Variants in GRID2 observed in about 807,000 individuals in gnomAD.
The protein encoded by GRID2 is glutamate receptor ionotropic, delta-2.
A neutral mutation model predicts 114.8 loss-of-function variants in GRID2; 33 were observed. The observed-to-expected ratio is 0.29, with a 90% CI of 0.22 to 0.38. The LOEUF (loss-of-function observed/expected upper bound fraction) is 0.38. Ranked by LOEUF, GRID2 falls within the 10% of genes least tolerant of loss-of-function variation. The pLI is 1.00. For missense variants in GRID2, 1,184 were observed against 1,257.7 expected, an observed-to-expected ratio of 0.94 and a Z score of 0.89; for synonymous variants, 505 against 449.9, an observed-to-expected ratio of 1.12 and a Z score of -1.55.
At chr4:92,905,343 T>TA (rs899962791) in intron 2 of GRID2, among the ~76,000 whole-genome samples, 1 of 152,038 alleles carries the variant, frequency 6.6e-6, no homozygotes, top group African/African-American at 2.4e-5. Flanking sequence ...GCTGTGGCTC[T>TA]AAAAAAATCA....
chr4:93,127,683 A>T (rs1369345968), intron 4 of GRID2, among the ~76,000 whole-genome samples: 1 of 151,960 alleles, frequency 6.6e-6, no homozygotes, highest in Non-Finnish European at 1.5e-5. Flanking sequence ...TAATAGCAAA[A>T]CCAAGTTTAG....
chr4:93,603,391 T>A (rs143794869), intron 13 of GRID2, among the ~76,000 whole-genome samples: 5 of 152,040 alleles, frequency 3.3e-5, no homozygotes, highest in Admixed American at 6.6e-5. Flanking sequence ...ATGAGAAACA[T>A]GAGAAAGCTG....
chr4:93,553,860 T>A (rs1206226804), intron 13 of GRID2, among the ~76,000 whole-genome samples: 2 of 152,194 alleles, frequency 1.3e-5, no homozygotes, highest in Non-Finnish European at 2.9e-5. Context: ...TTCTTAATCA[T>A]GTGTCCTAAT....
intron 1 of GRID2, among the ~76,000 whole-genome samples, chr4:92,459,370 A>G (rs1721369852): frequency 6.6e-6 from 1 of 152,188 alleles, no homozygotes; most frequent in Non-Finnish European, 1.5e-5. Context: ...AGCGTAACAT[A>G]ATTAATATAG....
At chr4:93,034,524 G>C (rs1196115296) in intron 2 of GRID2, among the ~76,000 whole-genome samples, 1 of 151,992 alleles carries the variant, frequency 6.6e-6, no homozygotes, top group Non-Finnish European at 1.5e-5. Flanking sequence ...ACTGCCCATT[G>C]AACACGACTT....
At chr4:93,632,658 C>T (rs2002932) in intron 14 of GRID2, among the ~76,000 whole-genome samples, 41,227 of 151,970 alleles carry the variant, frequency 0.27, 5,998 homozygotes, top group East Asian at 0.59. Flanking sequence ...CGTGATGCCT[C>T]CAGCTTTGTT....
In GRID2 at chr4:93,376,081, A is replaced by C. The variant is rs529021046; in HGVS notation, c.1246-19526A>C. Among the ~76,000 whole-genome samples, 63 of 152,260 alleles carry C rather than the reference A, an allele frequency of 4.1e-4. 1 individual carries two copies. The South Asian group carries it at 5.6e-3, about 14-fold the overall frequency. ...TTCCTGTAACTACAACAGTCTGATT[A>C]GTTTTGGGCCCACCCATATGATCTC... On this transcript the variant is annotated intron_variant, in intron 8 of 15. Transcript: ENST00000282020.
At chr4:92,499,958 A>T (rs1723590051) in intron 1 of GRID2, among the ~76,000 whole-genome samples, 1 of 152,178 alleles carries the variant, frequency 6.6e-6, no homozygotes, top group South Asian at 2.1e-4. Context: ...TATTCCTGAC[A>T]AATAATTGAT....
At chr4:93,312,040 C>G (rs1756075732) in intron 8 of GRID2, among the ~76,000 whole-genome samples, 1 of 152,102 alleles carries the variant, frequency 6.6e-6, no homozygotes, top group Non-Finnish European at 1.5e-5. Context: ...TGTATATTCT[C>G]TGCTTCCATT....
Position 92,590,274 on chromosome 4 carries a change from G to A in GRID2, c.232G>A (p.Ala78Thr), listed in dbSNP as rs2149211070. ...TFVDGNNPFQ[A>T]VQEACELMNQ... ...TGTTGATGGCAACAACCCTTTCCAA[G>A]CAGTTCAAGAAGGTAAGGTCATCAG... The change falls in exon 2 of 16, where the codon GCA becomes ACA. Residue 78 changes from alanine (A) to threonine (T), a missense_variant. This residue lies in a region of GRID2 where 455 missense variants were observed against 429.5 expected (regional missense o/e 1.06). Transcript: ENST00000282020. 6.2e-7 allele frequency: 1 copy of A among 1,612,856 alleles called. No homozygotes were observed. The highest frequency in any genetic ancestry group is 2.2e-5 in the East Asian group (1 of 44,806).
chr4:92,536,097 C>G lies in GRID2; in HGVS notation c.89-54034C>G, dbSNP rs144451261. On this transcript the variant is annotated intron_variant, in intron 1 of 15. Coordinates refer to ENST00000282020, the MANE Select transcript of GRID2 (RefSeq NM_001510.4). ...AAAGCCTCCACAGCAAGGAAAGGAA[C>G]GTGAGCAGGCTGCCACTGCTTGCGC... Among the ~76,000 whole-genome samples the G allele has an allele frequency of 7.8e-4, 119 of 152,348 alleles. 1 individual carries two copies. Among genetic ancestry groups the G allele is most frequent in the African/African-American group, 2.8e-3 (117 of 41,598 alleles).
chr4:93,644,997 A>T (rs1721979572), intron 14 of GRID2, among the ~76,000 whole-genome samples: 1 of 152,208 alleles, frequency 6.6e-6, no homozygotes, highest in Non-Finnish European at 1.5e-5. Flanking sequence ...TTTTATTCAG[A>T]GACGTATTCC....
At chr4:92,819,616 C>A (rs1182215876) in intron 2 of GRID2, among the ~76,000 whole-genome samples, 1 of 151,704 alleles carries the variant, frequency 6.6e-6, no homozygotes, top group Non-Finnish European at 1.5e-5. Context: ...AATGGTCATT[C>A]TTACTATTTA....
At position 93,471,474 on chromosome 4, in the gene GRID2, A is replaced by G. The variant is rs768391920; in HGVS notation, c.1858+15500A>G. Among the ~76,000 whole-genome samples the G allele has an allele frequency of 8.8e-4, 134 of 152,180 alleles. 1 individual carries two copies. Among genetic ancestry groups the G allele is most frequent in the Middle Eastern group, 6.8e-3 (2 of 294 alleles). ...ATAGGTCTGAGGGGTCTGAAGACTC[A>G]AATGAAGCTTACAGAGATCCTAACC... On this transcript the variant is annotated intron_variant, in intron 11 of 15. Coordinates refer to ENST00000282020, the MANE Select transcript of GRID2 (RefSeq NM_001510.4).
intron 2 of GRID2, among the ~76,000 whole-genome samples, chr4:92,657,288 C>A (rs1230217362): frequency 6.6e-6 from 1 of 151,706 alleles, no homozygotes; most frequent in East Asian, 1.9e-4. Flanking sequence ...TTCATAGTGT[C>A]TGAACTGTCA....
At chr4:93,644,276 G>C (rs998518131) in intron 14 of GRID2, among the ~76,000 whole-genome samples, 1 of 48,862 alleles carries the variant, frequency 2.0e-5, no homozygotes, top group Non-Finnish European at 4.0e-5. Flanking sequence ...CGTCTTCTGC[G>C]TCGCTCACGC....
In GRID2 at chr4:92,948,285, C is replaced by T. The variant is rs554070967; in HGVS notation, c.245-136710C>T. Among the ~76,000 whole-genome samples the T allele has an allele frequency of 2.0e-5, 3 of 151,866 alleles. No homozygotes were observed. The East Asian group carries it at 5.8e-4, about 29-fold the overall frequency. The stretch of plus-strand genomic sequence containing the variant: ...TGTTTGGAATAGAAGTTTTTAACAT[C>T]CTTTTTTGCTACTTGTATTTGAAAG... On this transcript the variant is annotated intron_variant, in intron 2 of 15. Coordinates refer to ENST00000282020, the MANE Select transcript of GRID2 (RefSeq NM_001510.4).
chr4:93,508,488 C>T (rs1728866141), intron 12 of GRID2, among the ~76,000 whole-genome samples: 3 of 152,132 alleles, frequency 2.0e-5, no homozygotes, highest in South Asian at 2.1e-4. Flanking sequence ...AGCCACCATG[C>T]CTGGCCTTGT....
rs1158495604 is a variant in GRID2, at chr4:92,355,152, T to G, written c.88+50408T>G. ...TTGTTTTCATGCTTATCATCTGTATTTTCTCTCTAGAATGTAAGCTCCTTT... is the reference window on the plus strand; with the variant it reads ...TTGTTTTCATGCTTATCATCTGTATGTTCTCTCTAGAATGTAAGCTCCTTT... On this transcript the variant is annotated intron_variant, in intron 1 of 15. Coordinates refer to ENST00000282020, the MANE Select transcript of GRID2 (RefSeq NM_001510.4). Among the ~76,000 whole-genome samples the G allele has an allele frequency of 2.6e-5, 4 of 152,026 alleles. No homozygotes were observed. In the East Asian group the frequency reaches 7.8e-4, roughly 29 times the overall value.
Sources: allele counts gnomAD v4.1 joint callset (sites outside exome capture counted in the v4.1 genomes callset), GRCh38; gene constraint gnomAD v4.1.1; regional missense constraint gnomAD v4.1.1; transcripts MANE v1.5; gene names NCBI Gene and HGNC (gene_info 2026-07-23, HGNC 2026-07-21).